The following THSD4 variants were observed in gnomAD, a reference collection of about 807,000 sequenced individuals.
THSD4 encodes thrombospondin type-1 domain-containing protein 4.
In THSD4, 69 loss-of-function variants were observed where a neutral mutation model predicts 119.0. The ratio of observed to expected loss-of-function variants is 0.58; its 90% confidence interval spans 0.48 to 0.71. The LOEUF is 0.71. Among genes scored for constraint, THSD4 ranks in the 30% least tolerant of loss-of-function variants. THSD4 has a pLI of 0.00. For synonymous variants in THSD4, 524 were observed against 540.4 expected (o/e 0.97, Z 0.42); for missense variants, 1,393 against 1,391.1 (o/e 1.00, Z -0.02).
intron 6 of THSD4, among the ~76,000 whole-genome samples, chr15:71,338,526 C>G (rs776928946): frequency 6.6e-6 from 1 of 152,038 alleles, no homozygotes; most frequent in African/African-American, 2.4e-5. Context: ...GAGGTTCTTT[C>G]GGCTCTGATT....
intron 6 of THSD4, among the ~76,000 whole-genome samples, chr15:71,408,142 A>G (rs1486473084): frequency 6.7e-6 from 1 of 149,470 alleles, no homozygotes; most frequent in Admixed American, 6.8e-5. Flanking sequence ...GTCTCCTGGC[A>G]TCAGAATTGT....
intron 6 of THSD4, among the ~76,000 whole-genome samples, chr15:71,389,435 T>C (rs972531393): frequency 1.1e-4 from 17 of 151,636 alleles, no homozygotes; most frequent in African/African-American, 4.1e-4. Flanking sequence ...TCAAGGTTCA[T>C]CCATGTTGTA....
chr15:71,111,172 G>A (rs2040301494), upstream of THSD4: 3 of 1,611,768 alleles, frequency 1.9e-6, no homozygotes, highest in Non-Finnish European at 2.5e-6. Context: ...GACCAGATGT[G>A]GGGTGAGAAA....
intron 6 of THSD4, among the ~76,000 whole-genome samples, chr15:71,350,141 T>TAAAAAAAAAAAAAAAAAAA: frequency 1.8e-5 from 2 of 111,174 alleles, no homozygotes; most frequent in Non-Finnish European, 3.7e-5. Flanking sequence ...TGCAAATTAC[T>TAAAAAAAAAAAAAAAAAAA]AAAAAAAAAA....
At chr15:71,716,079 G>A (rs1002224719) in intron 8 of THSD4, among the ~76,000 whole-genome samples, 4 of 152,156 alleles carry the variant, frequency 2.6e-5, no homozygotes, top group Non-Finnish European at 5.9e-5. Context: ...TGAGGGCTTA[G>A]AGCAAGAATC....
intron 6 of THSD4, among the ~76,000 whole-genome samples, chr15:71,386,809 TAATTCAG>T (rs2046299028): frequency 6.6e-6 from 1 of 152,222 alleles, no homozygotes; most frequent in Non-Finnish European, 1.5e-5. Context: ...CCTGAGTTCC[TAATTCAG>T]AGGGTTAGCT....
intron 7 of THSD4, among the ~76,000 whole-genome samples, chr15:71,449,266 C>G (rs778205911): frequency 2.6e-5 from 4 of 152,212 alleles, no homozygotes; most frequent in East Asian, 1.9e-4. Context: ...GACATAAACA[C>G]ATACACTATT....
chr15:71,458,951 T>G (rs1566991280), intron 7 of THSD4, among the ~76,000 whole-genome samples: 1 of 152,128 alleles, frequency 6.6e-6, no homozygotes, highest in African/African-American at 2.4e-5. Flanking sequence ...GGATGGCCAG[T>G]CACAAGTTCT....
At chr15:71,542,278 G>T (rs1379792675) in intron 7 of THSD4, among the ~76,000 whole-genome samples, 1 of 152,146 alleles carries the variant, frequency 6.6e-6, no homozygotes, top group Non-Finnish European at 1.5e-5. Flanking sequence ...TTATGAATTT[G>T]TGATGGTTTT....
At chr15:71,214,162 A>AGCTAGAGGATTGT (rs2043910230) in intron 3 of THSD4, among the ~76,000 whole-genome samples, 4 of 150,248 alleles carry the variant, frequency 2.7e-5, no homozygotes, top group Admixed American at 6.6e-5. Context: ...CACTCTGTAA[A>AGCTAGAGGATTGT]ATGGACCGAT....
At chr15:71,607,945 T>G (rs532424857) in intron 7 of THSD4, among the ~76,000 whole-genome samples, 3 of 152,200 alleles carry the variant, frequency 2.0e-5, no homozygotes, top group Admixed American at 1.3e-4. Flanking sequence ...ATACTTAGCC[T>G]GGGCTGGGTG....
At chr15:71,430,421 C>A (rs2046927084) in intron 7 of THSD4, among the ~76,000 whole-genome samples, 1 of 152,080 alleles carries the variant, frequency 6.6e-6, no homozygotes, top group Admixed American at 6.6e-5. Flanking sequence ...TTCAAGTTGG[C>A]TTTGCTGAAA....
intron 6 of THSD4, among the ~76,000 whole-genome samples, chr15:71,310,716 A>G (rs2045099616): frequency 6.6e-6 from 1 of 152,198 alleles, no homozygotes. Flanking sequence ...ACAGAAAAGC[A>G]TTGGGAAAGT....
rs1214513779 is a variant in THSD4 at position 71,682,885 on chromosome 15, TTTCTTTCTTTCTTTCTTTCTTTC to T, written c.1357+22157_1357+22179del. Among the ~76,000 whole-genome samples, 11 of 37,096 alleles carry T rather than the reference TTTCTTTCTTTCTTTCTTTCTTTC, an allele frequency of 3.0e-4. No homozygotes were observed. The South Asian group carries it at 3.4e-3, about 11-fold the overall frequency. 24.3% of individuals were successfully genotyped at this position (37,096 alleles called of 152,430 possible). On this transcript the variant is annotated intron_variant, in intron 8 of 17. Transcript: ENST00000261862. The stretch of plus-strand genomic sequence containing the variant: ...CTTTCTTTCTTTCTTTCTTTCTTTC[TTTCTTTCTTTCTTTCTTTCTTTC>T]TTCTTCTTCTTCTTTTTTTTTTTTT...
rs977677868 is a variant in THSD4 at position 71,154,768 on chromosome 15, C to G, written c.30-95C>G. ...CAGGGCCTGGGTTGGGCTGTTCCCC[C>G]CCCATCCACTGATGAGATGGCGATG... is the stretch of plus-strand genomic sequence containing the variant. On this transcript the variant is annotated intron_variant, in intron 2 of 17. Coordinates refer to ENST00000261862, the MANE Select transcript of THSD4 (RefSeq NM_024817.3). 6 of 1,264,560 alleles carry G rather than the reference C, an allele frequency of 4.7e-6. No individual in the cohort carries two copies. In the Admixed American group the frequency reaches 5.1e-5, roughly 11 times the overall value. The allele number at this position is 1,264,560 out of a possible 1,614,324, so 78.3% of individuals were successfully genotyped here.
intron 14 of THSD4, among the ~76,000 whole-genome samples, chr15:71,751,995 A>G (rs753855731): frequency 1.4e-4 from 22 of 152,196 alleles, no homozygotes; most frequent in Middle Eastern, 3.2e-3. Flanking sequence ...CTCTTAATAC[A>G]TTTTAGCTAA....
At chr15:71,128,591 GAA>G (rs2040475529) in intron 1 of THSD4, among the ~76,000 whole-genome samples, 1 of 151,452 alleles carries the variant, frequency 6.6e-6, no homozygotes, top group Non-Finnish European at 1.5e-5. Context: ...AAAGGAGGAG[GAA>G]AAAGAGAGTG....
At chr15:71,630,337 T>C (rs1166585575) in intron 7 of THSD4, among the ~76,000 whole-genome samples, 3 of 152,180 alleles carry the variant, frequency 2.0e-5, no homozygotes, top group African/African-American at 7.2e-5. Flanking sequence ...GATCTTTAAT[T>C]TGAGCCATTC....
chr15:71,673,034 TATTG>T (rs1289721482), intron 8 of THSD4, among the ~76,000 whole-genome samples: 1 of 152,238 alleles, frequency 6.6e-6, no homozygotes. Context: ...CCTCTCTTTC[TATTG>T]ATTGGAATAG....
Sources: allele counts gnomAD v4.1 joint callset (sites outside exome capture counted in the v4.1 genomes callset), GRCh38; gene constraint gnomAD v4.1.1; transcripts MANE v1.5; gene names NCBI Gene and HGNC (gene_info 2026-07-23, HGNC 2026-07-21).